Variants in EMILIN2 observed in about 807,000 individuals in gnomAD.
The protein encoded by EMILIN2 is elastin microfibril interfacer 2, also known as EMILIN-2.
In EMILIN2, 71 loss-of-function variants were observed where a neutral mutation model predicts 87.1. The ratio of observed to expected loss-of-function variants is 0.82; its 90% confidence interval spans 0.67 to 0.99. The LOEUF (loss-of-function observed/expected upper bound fraction) is 0.99. Among genes scored for constraint, EMILIN2 ranks in the 50% least tolerant of loss-of-function variants. EMILIN2 has a pLI of 0.00. For synonymous variants in EMILIN2, 581 were observed against 563.4 expected (o/e 1.03, Z -0.44); for missense variants, 1,407 against 1,371.8 (o/e 1.03, Z -0.40).
rs1281163907 is a variant in EMILIN2 at position 2,890,629 on chromosome 18, TG to T, written c.508del (p.Val170Ter). On this transcript the variant is annotated frameshift_variant, in exon 4 of 8. Coordinates refer to ENST00000254528, the MANE Select transcript of EMILIN2 (RefSeq NM_032048.3). LOFTEE classifies it high-confidence loss of function. The surrounding 1 kb of genome is among the most constrained non-coding windows in gnomAD (Gnocchi z 4.7). ...CCCAACTGGTACAGCACAACCAAGC[TG>T]GGGGGTAGATCCAAAAGAGGGGCCT... is the stretch of plus-strand genomic sequence containing the variant. The part of the protein sequence containing the change: ...LSPTGTAQPS[W>X]GVDPKEGPQE... The T allele has an allele frequency of 3.7e-6, 6 of 1,613,396 alleles. No individual in the cohort carries two copies. In the African/African-American group the frequency reaches 5.3e-5, roughly 14 times the overall value.
At chr18:2,900,132 GTTTTT>G (rs11314488) in intron 4 of EMILIN2, among the ~76,000 whole-genome samples, 5 of 151,094 alleles carry the variant, frequency 3.3e-5, no homozygotes. Flanking sequence ...AAGCTTGAGG[GTTTTT>G]TTTTTCATTC....
chr18:2,883,761 G>A (rs1305865151), intron 2 of EMILIN2, among the ~76,000 whole-genome samples: 1 of 152,212 alleles, frequency 6.6e-6, no homozygotes. Context: ...AGGACTTTTT[G>A]AGTGCTTCCA....
intron 2 of EMILIN2, among the ~76,000 whole-genome samples, chr18:2,859,067 C>T (rs1254013762): frequency 1.3e-5 from 2 of 152,030 alleles, no homozygotes; most frequent in African/African-American, 4.8e-5. Context: ...ACTTCTTTGT[C>T]TCTGGGTAGA....
intron 2 of EMILIN2, among the ~76,000 whole-genome samples, chr18:2,855,626 G>GTGGGTGGGAACTCCATCCAGGT (rs748167803): frequency 3.9e-5 from 6 of 152,252 alleles, no homozygotes; most frequent in Non-Finnish European, 8.8e-5. Flanking sequence ...AGAACGGCAA[G>GTGGGTGGGAACTCCATCCAGGT]TGGGTGGGAA....
rs749070125 is a variant in EMILIN2, at chr18:2,891,549, C to T, written c.1422C>T (p.Thr474=). The T allele has an allele frequency of 1.2e-6, 2 of 1,613,902 alleles. No homozygotes were observed. Among genetic ancestry groups the T allele is most frequent in the Non-Finnish European group, 1.7e-6 (2 of 1,180,030 alleles). The part of the protein sequence containing the change: ...AEEHCFYIEE[T]LRGAINGEVG... ...AACATTGCTTTTACATTGAGGAAAC[C>T]CTTCGGGGCGCCATTAATGGAGAGG... The change falls in exon 4 of 8, where the codon ACC becomes ACT. Residue 474 remains threonine, a synonymous_variant. Coordinates refer to ENST00000254528, the MANE Select transcript of EMILIN2 (RefSeq NM_032048.3). The surrounding 1 kb of genome is among the most constrained non-coding windows in gnomAD (Gnocchi z 4.6).
chr18:2,885,601 C>T (rs2076799752), intron 3 of EMILIN2, among the ~76,000 whole-genome samples: 1 of 152,228 alleles, frequency 6.6e-6, no homozygotes, highest in Non-Finnish European at 1.5e-5. Context: ...TCACTGCAAC[C>T]TCTGCCTACC....
intron 4 of EMILIN2, 160 bp from the exon 5 acceptor site, chr18:2,906,623 G>A (rs1241427822): frequency 3.8e-6 from 2 of 533,152 alleles, no homozygotes; most frequent in Non-Finnish European, 5.6e-6. Context: ...GGAAGATGCG[G>A]GCGGACGCCC....
Position 2,890,830 on chromosome 18 carries a change from C to T in EMILIN2, c.703C>T (p.Pro235Ser). The change falls in exon 4 of 8, where the codon CCT becomes TCT. Residue 235 changes from proline to serine, a missense_variant. By Grantham distance (74) the Pro-to-Ser change is moderately conservative. Coordinates refer to ENST00000254528, the MANE Select transcript of EMILIN2 (RefSeq NM_032048.3). The surrounding 1 kb of genome is among the most constrained non-coding windows in gnomAD (Gnocchi z 4.7). The part of the protein sequence containing the change: ...APGLSSQHPK[P>S]DTTVSGDTET... ...AGGGCTCAGCAGCCAGCACCCCAAGCCTGACACCACTGTTAGTGGAGACAC... is the reference window on the plus strand; with the variant it reads ...AGGGCTCAGCAGCCAGCACCCCAAGTCTGACACCACTGTTAGTGGAGACAC... 1 of 1,613,854 alleles carries T rather than the reference C, an allele frequency of 6.2e-7. No individual in the cohort carries two copies. The highest frequency in any genetic ancestry group is 8.5e-7 in the Non-Finnish European group (1 of 1,179,984).
intron 4 of EMILIN2, among the ~76,000 whole-genome samples, chr18:2,895,314 T>G (rs2076858356): frequency 6.6e-6 from 1 of 151,502 alleles, no homozygotes; most frequent in Non-Finnish European, 1.5e-5. Context: ...AGGAATAAGG[T>G]GAGATGAGAG....
In EMILIN2 at chr18:2,858,587, A is replaced by G. The variant is rs1196687102; in HGVS notation, c.257+10656A>G. Among the ~76,000 whole-genome samples the G allele has an allele frequency of 2.9e-3, 289 of 100,896 alleles. 35 individuals carry two copies. The highest frequency in any genetic ancestry group is 0.019 in the African/African-American group (278 of 14,940). 66.2% of individuals were successfully genotyped at this position (100,896 alleles called of 152,430 possible). On this transcript the variant is annotated intron_variant, in intron 2 of 7. Transcript: ENST00000254528. ...TATATATATGTGTGTGTGTGTGTAT[A>G]TATATATATATATATGTGTATATAT...
chr18:2,895,818 G>A (rs959320487), intron 4 of EMILIN2, among the ~76,000 whole-genome samples: 1 of 152,256 alleles, frequency 6.6e-6, no homozygotes, highest in Admixed American at 6.5e-5. Context: ...CTCTTGAAGG[G>A]TGACGTGGCT....
chr18:2,869,913 A>T (rs549495718), intron 2 of EMILIN2, among the ~76,000 whole-genome samples: 1 of 152,136 alleles, frequency 6.6e-6, no homozygotes, highest in East Asian at 1.9e-4. Context: ...CTGAAGAACA[A>T]CTGATATGGG....
At chr18:2,909,590 C>T in intron 6 of EMILIN2, 101 bp from the exon 7 acceptor site, 2 of 1,464,470 alleles carry the variant, frequency 1.4e-6, no homozygotes, top group Non-Finnish European at 9.2e-7. Flanking sequence ...ATAAAATGGG[C>T]CTGGCACCTG....
In EMILIN2 at chr18:2,909,697, C is replaced by T. The variant is rs1179569888; in HGVS notation, c.2702C>T (p.Pro901Leu). Reference sequence around the variant, plus strand: ...CATCCTTTCTCTGCTCCAGGAGCTCCGGTGCCTTCTCTGGTGTCTTTTTCT... The same window carrying T: ...CATCCTTTCTCTGCTCCAGGAGCTCTGGTGCCTTCTCTGGTGTCTTTTTCT... ...KSPPVASPGA[P>L]VPSLVSFSAG... The change falls in exon 7 of 8, where the codon CCG becomes CTG. Residue 901 changes from proline (P) to leucine (L), a missense_variant. By Grantham distance (98) the Pro-to-Leu change is moderately conservative. Coordinates refer to ENST00000254528, the MANE Select transcript of EMILIN2 (RefSeq NM_032048.3). The T allele has an allele frequency of 8.1e-6, 13 of 1,613,878 alleles. 1 individual carries two copies. The highest frequency in any genetic ancestry group is 3.3e-5 in the Admixed American group (2 of 59,980).
intron 7 of EMILIN2, among the ~76,000 whole-genome samples, chr18:2,911,504 T>G (rs1280121414): frequency 6.6e-6 from 1 of 152,254 alleles, no homozygotes; most frequent in African/African-American, 2.4e-5. Flanking sequence ...GTCTGACTAT[T>G]GGGCGACTGC....
chr18:2,884,838 C>A, intron 2 of EMILIN2, 126 bp from the exon 3 acceptor site: 2 of 1,019,552 alleles, frequency 2.0e-6, no homozygotes, highest in South Asian at 2.0e-5. Flanking sequence ...ACCAACATCC[C>A]CTCTGGGCCA....
At chr18:2,910,546 G>A (rs1206656866) in intron 7 of EMILIN2, among the ~76,000 whole-genome samples, 1 of 152,142 alleles carries the variant, frequency 6.6e-6, no homozygotes, top group Non-Finnish European at 1.5e-5. Flanking sequence ...AGGCAGGTGT[G>A]GGGAGGTCCC....
At chr18:2,884,892 A>G (rs1364315473) in intron 2 of EMILIN2, 72 bp from the exon 3 acceptor site, 5 of 1,490,324 alleles carry the variant, frequency 3.4e-6, no homozygotes, top group Non-Finnish European at 4.5e-6. Context: ...AGTCCTCTTT[A>G]TTTGGGTCTA....
chr18:2,864,788 C>T (rs1263431532), intron 2 of EMILIN2, among the ~76,000 whole-genome samples: 1 of 152,128 alleles, frequency 6.6e-6, no homozygotes, highest in East Asian at 1.9e-4. Flanking sequence ...GGGAAGTTCT[C>T]CTGGATAATA....
Sources: gnomAD v4.1 joint callset for allele counts (sites outside exome capture counted in the v4.1 genomes callset) on GRCh38, gnomAD v4.1.1 for gene constraint, Gnocchi (gnomAD v3.1) non-coding constraint, MANE v1.5 for transcripts, NCBI Gene and HGNC (gene_info 2026-07-23, HGNC 2026-07-21) for gene names.